ATP23: variants seen among roughly 807,000 people sequenced by gnomAD.
The protein encoded by ATP23 is mitochondrial inner membrane protease ATP23 homolog.
A neutral mutation model predicts 28.5 loss-of-function variants in ATP23; 24 were observed. The ratio of observed to expected loss-of-function variants is 0.84; its 90% CI spans 0.61 to 1.18. The LOEUF is 1.18. ATP23 is among the 50% of genes most tolerant of loss of function. The probability of loss-of-function intolerance (pLI) is 0.00; values close to 1 mark genes in which losing one functional copy is unlikely to be tolerated. For synonymous variants in ATP23, 99 were observed against 108.6 expected (o/e 0.91, Z 0.55); for missense variants, 274 against 306.4 (o/e 0.89, Z 0.79).
Position 57,958,493 on chromosome 12 carries a change from GC to G in ATP23, c.*1605del, listed in dbSNP as rs1956889704. On this transcript the variant is annotated 3_prime_UTR_variant, in exon 6 of 6. Transcript: ENST00000300145. ...TCATGGAGTCCATTGCACCCCCCCT[GC>G]CACCTCCACTGGAACAGGTGCTGGT... Among the ~76,000 whole-genome samples the G allele has an allele frequency of 6.6e-6, 1 of 151,496 alleles. No homozygotes were observed. Among genetic ancestry groups the G allele is most frequent in the African/African-American group, 2.4e-5 (1 of 40,844 alleles).
intron 5 of ATP23, among the ~76,000 whole-genome samples, chr12:57,955,604 C>T (rs1047712284): frequency 6.6e-6 from 1 of 152,238 alleles, no homozygotes; most frequent in African/African-American, 2.4e-5. Context: ...CTGTGGTCTA[C>T]ACTTGTGTCT....
At chr12:57,956,505 T>TA (rs1299933675) in intron 5 of ATP23, among the ~76,000 whole-genome samples, 182 bp from the exon 6 acceptor site, 1 of 152,214 alleles carries the variant, frequency 6.6e-6, no homozygotes, top group Admixed American at 6.5e-5. Flanking sequence ...TAGGTTGAGC[T>TA]AAAAATACTC....
chr12:57,954,249 A>ATGGGGG (rs1304749021), intron 5 of ATP23, among the ~76,000 whole-genome samples: 1 of 150,108 alleles, frequency 6.7e-6, no homozygotes, highest in African/African-American at 2.5e-5. Flanking sequence ...ATACTTTTCG[A>ATGGGGG]TGGGGGTGGA....
intron 1 of ATP23, among the ~76,000 whole-genome samples, chr12:57,942,299 T>G (rs974498265): frequency 6.6e-6 from 1 of 152,178 alleles, no homozygotes; most frequent in African/African-American, 2.4e-5. Flanking sequence ...TGTAAAAATA[T>G]AAAAGCAGTT....
chr12:57,946,722 C>T (rs1034444737), intron 2 of ATP23, among the ~76,000 whole-genome samples: 1 of 152,098 alleles, frequency 6.6e-6, no homozygotes, highest in Non-Finnish European at 1.5e-5. Context: ...TCCCAAAGTG[C>T]TGGGATTACA....
intron 1 of ATP23, among the ~76,000 whole-genome samples, chr12:57,944,690 C>T (rs999834878): frequency 1.3e-5 from 2 of 152,236 alleles, no homozygotes; most frequent in African/African-American, 2.4e-5. Context: ...ATGTAACTTC[C>T]ATACTTTGGT....
chr12:57,943,725 A>G (rs1005560773), intron 1 of ATP23, among the ~76,000 whole-genome samples: 3 of 152,144 alleles, frequency 2.0e-5, no homozygotes, highest in African/African-American at 7.2e-5. Context: ...GTACCAGCAT[A>G]TCAGGAGCTG....
At chr12:57,952,116 G>A (rs1956822081) in intron 4 of ATP23, among the ~76,000 whole-genome samples, 1 of 151,882 alleles carries the variant, frequency 6.6e-6, no homozygotes, top group African/African-American at 2.4e-5. Flanking sequence ...CCTAGTAATA[G>A]TGATGACTGA....
chr12:57,950,734 GC>G (rs1049224198), intron 3 of ATP23, among the ~76,000 whole-genome samples: 2 of 151,948 alleles, frequency 1.3e-5, no homozygotes, highest in African/African-American at 4.8e-5. Flanking sequence ...TTGCTCTGTT[GC>G]CCAGGCTGGT....
At position 57,958,574 on chromosome 12, in the gene ATP23, A is replaced by T. The variant is rs1317363592; in HGVS notation, c.*1684A>T. ...CACATCACAGGATTCTGTGCAGGCA[A>T]CCCCCAGTACCAGCATGGAGCTGGG... On this transcript the variant is annotated 3_prime_UTR_variant, in exon 6 of 6. Coordinates refer to ENST00000300145, the MANE Select transcript of ATP23 (RefSeq NM_033276.4). Among the ~76,000 whole-genome samples, 2 of 152,042 alleles carry T rather than the reference A, an allele frequency of 1.3e-5. No homozygotes were observed. Among genetic ancestry groups the T allele is most frequent in the Non-Finnish European group, 2.9e-5 (2 of 68,012 alleles).
At chr12:57,955,278 A>ATTTTTT (rs1442929120) in intron 5 of ATP23, among the ~76,000 whole-genome samples, 3 of 114,374 alleles carry the variant, frequency 2.6e-5, no homozygotes, top group African/African-American at 8.2e-5. Flanking sequence ...GAAATAGAGC[A>ATTTTTT]TGTTTTTTTT....
chr12:57,950,883 A>T (rs1157418077), intron 3 of ATP23, among the ~76,000 whole-genome samples: 1 of 152,190 alleles, frequency 6.6e-6, no homozygotes, highest in African/African-American at 2.4e-5. Flanking sequence ...CTGTCATTGC[A>T]TGTATGTAAA....
intron 2 of ATP23, 92 bp from the exon 3 acceptor site, chr12:57,946,903 C>G: frequency 1.0e-6 from 1 of 994,980 alleles, no homozygotes; most frequent in Non-Finnish European, 1.5e-6. Context: ...AGGGGATTTA[C>G]TATATGGTGG....
chr12:57,953,811 A>G (rs1956838596), intron 5 of ATP23, 122 bp downstream of exon 5: 3 of 862,900 alleles, frequency 3.5e-6, no homozygotes, highest in Non-Finnish European at 3.7e-6. Flanking sequence ...AAAAGAATAC[A>G]AAGTATGTAC....
At chr12:57,950,139 C>A (rs1956800564) in intron 3 of ATP23, among the ~76,000 whole-genome samples, 1 of 152,180 alleles carries the variant, frequency 6.6e-6, no homozygotes. Context: ...GCCTATTCTT[C>A]CAACTATAGT....
At chr12:57,946,707 C>T (rs1002482064) in intron 2 of ATP23, among the ~76,000 whole-genome samples, 3 of 151,956 alleles carry the variant, frequency 2.0e-5, no homozygotes, top group South Asian at 2.1e-4. Flanking sequence ...CCACCTGCCT[C>T]GGCCTCCCAA....
intron 2 of ATP23, among the ~76,000 whole-genome samples, chr12:57,946,428 C>T (rs1956761287): frequency 6.6e-6 from 1 of 151,262 alleles, no homozygotes; most frequent in Non-Finnish European, 1.5e-5. Context: ...TGCAATATGG[C>T]CATAATCAGT....
At chr12:57,953,740 T>A (rs762092164) in intron 5 of ATP23, 51 bp downstream of exon 5, 1 of 1,463,508 alleles carries the variant, frequency 6.8e-7, no homozygotes, top group Non-Finnish European at 9.5e-7. Flanking sequence ...CGAGTGGAAA[T>A]AATGAATAAA....
At chr12:57,956,105 T>C (rs1956863648) in intron 5 of ATP23, among the ~76,000 whole-genome samples, 1 of 152,158 alleles carries the variant, frequency 6.6e-6, no homozygotes, top group Admixed American at 6.5e-5. Flanking sequence ...TCTTAGAACT[T>C]TAATATCTGT....
Sources: allele counts gnomAD v4.1 joint callset (sites outside exome capture counted in the v4.1 genomes callset), GRCh38; gene constraint gnomAD v4.1.1; transcripts MANE v1.5; gene names NCBI Gene and HGNC (gene_info 2026-07-23, HGNC 2026-07-21).